BEGAIN: variants seen among roughly 807,000 people sequenced by gnomAD.
BEGAIN encodes the protein brain enriched guanylate kinase associated.
A neutral mutation model predicts 35.8 loss-of-function variants in BEGAIN; 19 were observed. That is an observed-to-expected ratio of 0.53 (90% CI 0.37 to 0.78). The LOEUF is 0.78. BEGAIN is among the 30% of genes least tolerant of loss of function. The probability of loss-of-function intolerance (pLI) is 0.00; values close to 1 mark genes in which losing one functional copy is unlikely to be tolerated. For synonymous variants in BEGAIN, 462 were observed against 388.6 expected (o/e 1.19, Z -2.22); for missense variants, 795 against 853.6 (o/e 0.93, Z 0.85).
At position 100,568,522 on chromosome 14, in the gene BEGAIN, G is replaced by A; in HGVS notation, c.43-583C>T. On this transcript the variant is annotated intron_variant, in intron 1 of 6. Coordinates refer to ENST00000554140, the MANE Select transcript of BEGAIN (RefSeq NM_001385089.1). The surrounding 1 kb of genome is among the most constrained non-coding windows in gnomAD (Gnocchi z 7.5). ...CTGCCCTCAGATTCTGGGGTTTTGG[G>A]CCTGGCTTGCCCCTCCCGGGCCCCA... The A allele has an allele frequency of 7.8e-7, 1 of 1,286,376 alleles. No individual in the cohort carries two copies. The highest frequency in any genetic ancestry group is 1.0e-6 in the Non-Finnish European group (1 of 987,398). The allele number at this position is 1,286,376 out of a possible 1,614,324, so 79.7% of individuals were successfully genotyped here.
At chr14:100,562,683 C>G (rs562636637) in intron 2 of BEGAIN, among the ~76,000 whole-genome samples, 1 of 152,268 alleles carries the variant, frequency 6.6e-6, no homozygotes, top group East Asian at 1.9e-4. Context: ...GGTACACCTG[C>G]TGCTCCCTCT....
intron 1 of BEGAIN, among the ~76,000 whole-genome samples, chr14:100,582,180 C>T (rs2035332039): frequency 6.6e-6 from 1 of 152,170 alleles, no homozygotes; most frequent in Admixed American, 6.5e-5. Context: ...AGGTCTCGCT[C>T]TGCTGCCAGG....
intron 4 of BEGAIN, 88 bp from the exon 5 acceptor site, chr14:100,544,053 C>T: frequency 1.0e-6 from 1 of 959,522 alleles, no homozygotes; most frequent in Non-Finnish European, 1.6e-6. Flanking sequence ...TGGTTTGTCC[C>T]TTGTAGCCAT....
At chr14:100,545,313 C>A in intron 3 of BEGAIN, 1 of 1,343,598 alleles carries the variant, frequency 7.4e-7, no homozygotes, top group Non-Finnish European at 9.6e-7. Flanking sequence ...CCCCGGGACC[C>A]CCTGAAGATG....
At chr14:100,554,204 G>A (rs2033481438) in intron 2 of BEGAIN, among the ~76,000 whole-genome samples, 1 of 152,200 alleles carries the variant, frequency 6.6e-6, no homozygotes, top group South Asian at 2.1e-4. Context: ...GCGCTGAGCA[G>A]GTTCCTGGAG....
intron 1 of BEGAIN, among the ~76,000 whole-genome samples, chr14:100,569,998 C>T (rs758652171): frequency 6.6e-6 from 1 of 152,056 alleles, no homozygotes; most frequent in Non-Finnish European, 1.5e-5. Flanking sequence ...ACCCCCTATG[C>T]GGGAGCAAAG....
At chr14:100,572,721 G>A (rs2035111856) in intron 1 of BEGAIN, among the ~76,000 whole-genome samples, 1 of 152,182 alleles carries the variant, frequency 6.6e-6, no homozygotes, top group South Asian at 2.1e-4. Context: ...AAGGAAAGAT[G>A]GAAAATCCTT....
intron 1 of BEGAIN, among the ~76,000 whole-genome samples, chr14:100,574,494 A>C (rs1051863807): frequency 1.9e-4 from 27 of 145,450 alleles, no homozygotes; most frequent in African/African-American, 5.9e-4. Flanking sequence ...CACCACCAGC[A>C]TGTTGTATTT....
chr14:100,540,490 C>G lies in BEGAIN; in HGVS notation c.492+6G>C. The G allele has an allele frequency of 6.3e-7, 1 of 1,587,814 alleles. No individual in the cohort carries two copies. Among genetic ancestry groups the G allele is most frequent in the Non-Finnish European group, 8.6e-7 (1 of 1,167,826 alleles). On this transcript the variant is annotated splice_donor_region_variant and intron_variant, in intron 6 of 6. Transcript: ENST00000554140. ...CGGGGTGGGCCTGGCTGCGGGGCCA[C>G]GTTACCTCAGACACCTTGTGGACCC...
intron 6 of BEGAIN, 44 bp from the exon 7 acceptor site, chr14:100,539,359 G>C (rs1218465335): frequency 6.6e-7 from 1 of 1,510,130 alleles, no homozygotes; most frequent in African/African-American, 1.4e-5. Context: ...CAGGGTCACT[G>C]TTAGCATGGC....
intron 3 of BEGAIN, chr14:100,545,510 G>T (rs1272184277): frequency 3.4e-6 from 3 of 875,904 alleles, no homozygotes; most frequent in Non-Finnish European, 4.1e-6. Context: ...ACATCACAGT[G>T]AACAAGACTC....
At position 100,558,188 on chromosome 14, in the gene BEGAIN, A is replaced by C. The variant is rs1222907168; in HGVS notation, c.71+9723T>G. Among the ~76,000 whole-genome samples, 1 of 145,024 alleles carries C rather than the reference A, an allele frequency of 6.9e-6. No individual in the cohort carries two copies. Among genetic ancestry groups the C allele is most frequent in the Non-Finnish European group, 1.5e-5 (1 of 66,864 alleles). The stretch of plus-strand genomic sequence containing the variant: ...CAGGTACAGTCCCTGTTCCCTGATC[A>C]ATGAAAGTGTCTGACCTTTCTGCCT... On this transcript the variant is annotated intron_variant, in intron 2 of 6. Transcript: ENST00000554140. This position sits in a 1 kb window ranked among gnomAD's most constrained non-coding sequence, Gnocchi z 4.6.
chr14:100,555,444 A>G (rs1420300929), intron 2 of BEGAIN, among the ~76,000 whole-genome samples: 1 of 152,202 alleles, frequency 6.6e-6, no homozygotes, highest in Middle Eastern at 3.2e-3. Flanking sequence ...CTGGAAGCCG[A>G]CAGCAGACCA....
At chr14:100,545,514 A>C (rs188758537) in intron 3 of BEGAIN, 8 of 855,276 alleles carry the variant, frequency 9.4e-6, no homozygotes, top group Non-Finnish European at 1.1e-5. Context: ...CACAGTGAAC[A>C]AGACTCGGTT....
At chr14:100,540,218 C>A in intron 6 of BEGAIN, 1 of 499,938 alleles carries the variant, frequency 2.0e-6, no homozygotes, top group East Asian at 3.2e-5. Flanking sequence ...GAAGCAAGGA[C>A]CTGGAGCAGC....
At position 100,568,043 on chromosome 14, in the gene BEGAIN, G is replaced by T; in HGVS notation, c.43-104C>A. ...GGGCACGGCCGGGCAACCCCGCGGG[G>T]CCCCGTCCGTGGGAAGCCCGGCGCC... On this transcript the variant is annotated intron_variant, in intron 1 of 6. Coordinates refer to ENST00000554140, the MANE Select transcript of BEGAIN (RefSeq NM_001385089.1). This position sits in a 1 kb window ranked among gnomAD's most constrained non-coding sequence, Gnocchi z 7.5. The T allele has an allele frequency of 8.7e-7, 1 of 1,146,954 alleles. No homozygotes were observed. The allele number at this position is 1,146,954 out of a possible 1,614,324, so 71.0% of individuals were successfully genotyped here. A position where few individuals can be genotyped will look rare whatever the true frequency, so the allele number is the denominator to read the frequency against.
chr14:100,542,215 T>C (rs1283841062), intron 5 of BEGAIN, among the ~76,000 whole-genome samples: 1 of 152,100 alleles, frequency 6.6e-6, no homozygotes, highest in Non-Finnish European at 1.5e-5. Context: ...CGACCTCCAG[T>C]TCCCCAAATC....
At chr14:100,585,821 C>G (rs1299356996) in intron 1 of BEGAIN, among the ~76,000 whole-genome samples, 2 of 152,204 alleles carry the variant, frequency 1.3e-5, no homozygotes, top group Non-Finnish European at 2.9e-5. Flanking sequence ...ACAAACGGAA[C>G]GCGGAGCCTT....
intron 1 of BEGAIN, among the ~76,000 whole-genome samples, chr14:100,574,693 G>T (rs1361302011): frequency 6.6e-6 from 1 of 152,174 alleles, no homozygotes; most frequent in Non-Finnish European, 1.5e-5. Flanking sequence ...CCCCTCTCCA[G>T]GCACCTTGGG....
Sources: allele counts gnomAD v4.1 joint callset (sites outside exome capture counted in the v4.1 genomes callset), GRCh38; gene constraint gnomAD v4.1.1; non-coding constraint Gnocchi (gnomAD v3.1); transcripts MANE v1.5; gene names NCBI Gene and HGNC (gene_info 2026-07-23, HGNC 2026-07-21).